ADCK1: variants seen among roughly 807,000 people sequenced by gnomAD.
ADCK1 encodes the protein aarF domain-containing protein kinase 1.
ADCK1 carries 41 observed loss-of-function variants against 52.3 expected under a neutral mutation model. That is an observed-to-expected ratio of 0.78 (90% CI 0.61 to 1.02). The LOEUF (loss-of-function observed/expected upper bound fraction) is 1.02, where lower values mean the gene tolerates loss of function less well. ADCK1 is among the 50% of genes least tolerant of loss of function. The pLI, the probability that ADCK1 is intolerant of heterozygous loss-of-function variation, is 0.00. For synonymous variants in ADCK1, 250 were observed against 274.6 expected, an observed-to-expected ratio of 0.91 and a Z score of 0.89; for missense variants, 658 against 679.5, an observed-to-expected ratio of 0.97 and a Z score of 0.35.
chr14:77,817,213 G>A (rs1325920852), intron 1 of ADCK1, among the ~76,000 whole-genome samples: 4 of 152,196 alleles, frequency 2.6e-5, no homozygotes, highest in Admixed American at 6.5e-5. Flanking sequence ...CTGCACTCCC[G>A]CCTGGGCGAC....
chr14:77,818,711 C>A (rs562681621), intron 1 of ADCK1, among the ~76,000 whole-genome samples: 2 of 152,290 alleles, frequency 1.3e-5, no homozygotes, highest in South Asian at 4.2e-4. Context: ...CAGTGCCTGG[C>A]ACTGTTGAAG....
chr14:77,800,994 C>T (rs2081097201), intron 1 of ADCK1, among the ~76,000 whole-genome samples: 1 of 152,000 alleles, frequency 6.6e-6, no homozygotes, highest in South Asian at 2.1e-4. Context: ...CTTTGGGAGG[C>T]CAAGATGGGA....
intron 6 of ADCK1, among the ~76,000 whole-genome samples, chr14:77,899,744 G>C (rs1470145901): frequency 6.6e-6 from 1 of 152,102 alleles, no homozygotes; most frequent in Non-Finnish European, 1.5e-5. Context: ...GAGCTTATGG[G>C]GAAAATAGAG....
In ADCK1 at chr14:77,892,198, GTGAC is replaced by G. The variant is rs564639773; in HGVS notation, c.582+4953_582+4956del. Among the ~76,000 whole-genome samples, 6 of 152,322 alleles carry G rather than the reference GTGAC, an allele frequency of 3.9e-5. No homozygotes were observed. The East Asian group carries it at 1.2e-3, about 29-fold the overall frequency. Reference sequence around the variant, plus strand: ...ATGAAAGCAGTTCACAGTAAAGAGAGTGACTGATAGGCTTAACCTCTTTATATTT... The same window carrying G: ...ATGAAAGCAGTTCACAGTAAAGAGAGTGATAGGCTTAACCTCTTTATATTT... On this transcript the variant is annotated intron_variant, in intron 5 of 10. Coordinates refer to ENST00000238561, the MANE Select transcript of ADCK1 (RefSeq NM_020421.4).
At chr14:77,842,891 T>C (rs1341762613) in intron 3 of ADCK1, among the ~76,000 whole-genome samples, 1 of 117,760 alleles carries the variant, frequency 8.5e-6, no homozygotes, top group African/African-American at 3.5e-5. Flanking sequence ...TTTCTTTCTT[T>C]CTTTTTTTTT....
intron 5 of ADCK1, among the ~76,000 whole-genome samples, chr14:77,895,033 G>A (rs958012431): frequency 2.0e-5 from 3 of 152,132 alleles, no homozygotes; most frequent in Admixed American, 2.0e-4. Context: ...GATTACAGGC[G>A]TGAGCTACCA....
intron 4 of ADCK1, among the ~76,000 whole-genome samples, chr14:77,865,045 G>A (rs903620687): frequency 2.0e-5 from 3 of 152,160 alleles, no homozygotes; most frequent in African/African-American, 7.2e-5. Flanking sequence ...ACTTTGGGAG[G>A]CTGAGATGGG....
At chr14:77,886,959 A>T (rs1566702171) in intron 4 of ADCK1, 132 bp from the exon 5 acceptor site, 107 of 920,286 alleles carry the variant, frequency 1.2e-4, no homozygotes, top group Middle Eastern at 2.3e-4. Flanking sequence ...ACACACACAC[A>T]CTCTCTCTCT....
intron 3 of ADCK1, among the ~76,000 whole-genome samples, chr14:77,854,074 G>GT (rs2082367205): frequency 6.6e-6 from 1 of 152,194 alleles, no homozygotes; most frequent in African/African-American, 2.4e-5. Flanking sequence ...ATGCTGTCCA[G>GT]TTTTTTCAGA....
chr14:77,920,937 A>G (rs1595090213), intron 7 of ADCK1, among the ~76,000 whole-genome samples: 2 of 152,094 alleles, frequency 1.3e-5, no homozygotes, highest in East Asian at 3.9e-4. Context: ...GGTGTGGGCC[A>G]CTGTGCCTGG....
chr14:77,836,414 A>G (rs906089145), intron 3 of ADCK1, among the ~76,000 whole-genome samples: 12 of 152,254 alleles, frequency 7.9e-5, no homozygotes, highest in African/African-American at 2.4e-4. Flanking sequence ...CAGTAGCCCA[A>G]TGAGGTAAAT....
chr14:77,808,102 T>C (rs1370437900), intron 1 of ADCK1, among the ~76,000 whole-genome samples: 12 of 152,092 alleles, frequency 7.9e-5, no homozygotes, highest in Admixed American at 7.9e-4. Flanking sequence ...TGAGGGTGGA[T>C]AGGAAGCCTG....
intron 4 of ADCK1, 23 bp from the exon 5 acceptor site, chr14:77,887,067 CT>C (rs767209213): frequency 1.3e-6 from 2 of 1,535,660 alleles, no homozygotes; most frequent in African/African-American, 2.8e-5. Flanking sequence ...TTTTTCATTG[CT>C]CTGTTCTCTC....
intron 5 of ADCK1, among the ~76,000 whole-genome samples, chr14:77,889,563 C>T (rs962265093): frequency 1.2e-4 from 19 of 152,186 alleles, no homozygotes; most frequent in African/African-American, 4.3e-4. Flanking sequence ...GAAGAGTTTC[C>T]ATCTCCTCTT....
In ADCK1 at chr14:77,931,824, C is replaced by T. The variant is rs562503654; in HGVS notation, c.1400+113C>T. The T allele has an allele frequency of 6.6e-5, 74 of 1,127,078 alleles. No homozygotes were observed. The East Asian group carries it at 1.7e-3, about 26-fold the overall frequency. 69.8% of individuals were successfully genotyped at this position (1,127,078 alleles called of 1,614,324 possible). ...TCTACAGGGCCCTGCCTGAGCTTCCCAATCTCCAGATATCCCTGCAGGCAA... is the reference window on the plus strand; with the variant it reads ...TCTACAGGGCCCTGCCTGAGCTTCCTAATCTCCAGATATCCCTGCAGGCAA... On this transcript the variant is annotated intron_variant, in intron 10 of 10. Coordinates refer to ENST00000238561, the MANE Select transcript of ADCK1 (RefSeq NM_020421.4).
At chr14:77,824,577 G>A (rs559086238) in intron 3 of ADCK1, among the ~76,000 whole-genome samples, 25 of 151,764 alleles carry the variant, frequency 1.6e-4, no homozygotes, top group South Asian at 4.2e-4. Flanking sequence ...GGGATTACAG[G>A]CACGCACCAC....
chr14:77,833,147 C>T (rs1395886777), intron 3 of ADCK1, among the ~76,000 whole-genome samples: 1 of 152,158 alleles, frequency 6.6e-6, no homozygotes, highest in African/African-American at 2.4e-5. Context: ...AATTACTTCT[C>T]CTGATCCCTG....
rs1010385365 is a variant in ADCK1, at chr14:77,863,494, C to T, written c.423+4215C>T. The stretch of plus-strand genomic sequence containing the variant: ...CACACACACACACACACATCTATAC[C>T]TGCCCCCATGACATACAGACAAGTC... On this transcript the variant is annotated intron_variant, in intron 4 of 10. Transcript: ENST00000238561. 9.2e-5 allele frequency among the ~76,000 whole-genome samples: 14 copies of T among 152,128 alleles called. No individual in the cohort carries two copies. In the East Asian group the frequency reaches 1.5e-3, roughly 17 times the overall value.
intron 1 of ADCK1, among the ~76,000 whole-genome samples, chr14:77,807,737 G>C (rs144615223): frequency 2.0e-5 from 3 of 151,836 alleles, no homozygotes; most frequent in African/African-American, 7.2e-5. Flanking sequence ...TTGAACTCCC[G>C]ATCTCAGGTG....
Sources: gnomAD v4.1 joint callset for allele counts (sites outside exome capture counted in the v4.1 genomes callset) on GRCh38, gnomAD v4.1.1 for gene constraint, MANE v1.5 for transcripts, NCBI Gene and HGNC (gene_info 2026-07-23, HGNC 2026-07-21) for gene names.